Variants in OLR1 observed in about 807,000 individuals in gnomAD.
OLR1 encodes the protein oxidized low-density lipoprotein receptor 1.
A neutral mutation model predicts 31.7 loss-of-function variants in OLR1; 23 were observed. The ratio of observed to expected loss-of-function variants is 0.72; its 90% CI spans 0.52 to 1.03. The LOEUF (loss-of-function observed/expected upper bound fraction) is 1.03, where lower values mean the gene tolerates loss of function less well. Ranked by LOEUF, OLR1 falls within the 50% of genes least tolerant of loss-of-function variation. The pLI is 0.00. For synonymous variants in OLR1, 117 were observed against 115.8 expected (o/e 1.01, Z -0.07); for missense variants, 286 against 315.7 (o/e 0.91, Z 0.71).
chr12:10,167,738 G>T (rs1948674859), intron 2 of OLR1: 1 of 151,904 alleles, frequency 6.6e-6, no homozygotes, highest in Non-Finnish European at 1.5e-5. Context: ...CGCACACTGT[G>T]TCACAAGAGT....
chr12:10,168,143 AC>A (rs1375769861), intron 2 of OLR1, among the ~76,000 whole-genome samples: 1 of 152,170 alleles, frequency 6.6e-6, no homozygotes, highest in East Asian at 1.9e-4. Flanking sequence ...CAGTTCTACA[AC>A]CTAAATTCAC....
intron 3 of OLR1, among the ~76,000 whole-genome samples, chr12:10,162,992 GAGTA>G (rs1024482057): frequency 2.6e-4 from 39 of 151,478 alleles, no homozygotes; most frequent in Middle Eastern, 3.4e-3. Context: ...AAAATAAACA[GAGTA>G]AGTGATATTT....
Position 10,166,845 on chromosome 12 carries a change from C to T in OLR1, c.291G>A (p.Glu97=), listed in dbSNP as rs1022552271. 2.5e-6 allele frequency: 4 copies of T among 1,613,588 alleles called. No homozygotes were observed. Among genetic ancestry groups the T allele is most frequent in the South Asian group, 1.1e-5 (1 of 91,078 alleles). Residue 97 remains glutamate, a synonymous_variant, in exon 3 of 6, where the codon GAG becomes GAA. Transcript: ENST00000309539. The part of the protein sequence containing the change: ...ARQQAEEASQ[E]SENELKEMIE... ...TCATTTCCTTGAGTTCGTTTTCTGA[C>T]TCCTGTGAAGCTTCTTCTGCTTGTT...
intron 3 of OLR1, among the ~76,000 whole-genome samples, chr12:10,166,124 A>T (rs888142400): frequency 6.6e-6 from 1 of 151,992 alleles, no homozygotes; most frequent in Non-Finnish European, 1.5e-5. Context: ...AGGCAGGAGA[A>T]CTGCTTGAAC....
intron 1 of OLR1, among the ~76,000 whole-genome samples, chr12:10,170,087 C>T (rs998719684): frequency 5.9e-5 from 9 of 152,220 alleles, no homozygotes; most frequent in Non-Finnish European, 1.2e-4. Flanking sequence ...TAAGATCACA[C>T]AGATGCTAAA....
upstream of OLR1, among the ~76,000 whole-genome samples, chr12:10,173,960 C>A (rs925137773): frequency 6.6e-6 from 1 of 152,088 alleles, no homozygotes; most frequent in Non-Finnish European, 1.5e-5. Flanking sequence ...CAGCCATCAC[C>A]ACCATCCATC....
At position 10,159,841 on chromosome 12, in the gene OLR1, A is replaced by G. The variant is rs574510080; in HGVS notation, c.*39T>C. On this transcript the variant is annotated 3_prime_UTR_variant, in exon 6 of 6. Transcript: ENST00000309539. ...AGAATAGCTTAAATTCCAGAATAAAACTCAAAGACTTTTTTCTTTTCTTCC... is the reference window on the plus strand; with the variant it reads ...AGAATAGCTTAAATTCCAGAATAAAGCTCAAAGACTTTTTTCTTTTCTTCC... 479 of 1,560,850 alleles carry G rather than the reference A, an allele frequency of 3.1e-4. 6 individuals are homozygous for G. In the South Asian group the frequency reaches 5.2e-3, roughly 17 times the overall value.
rs954656889 is a variant in OLR1 at position 10,163,117 on chromosome 12, T to C, written c.425-2192A>G. 3.3e-5 allele frequency among the ~76,000 whole-genome samples: 5 copies of C among 152,336 alleles called. No individual in the cohort carries two copies. The East Asian group carries it at 5.8e-4, about 18-fold the overall frequency. On this transcript the variant is annotated intron_variant, in intron 3 of 5. Coordinates refer to ENST00000309539, the MANE Select transcript of OLR1 (RefSeq NM_002543.4). The stretch of plus-strand genomic sequence containing the variant: ...ATGTGCCAGAAACTGTTGGAAGTAC[T>C]GTACAGGTATTAACTCATTTAATCC...
chr12:10,175,062 C>T (rs894553851), upstream of OLR1, among the ~76,000 whole-genome samples: 2 of 152,136 alleles, frequency 1.3e-5, no homozygotes, highest in Admixed American at 6.5e-5. Flanking sequence ...GATAACTGGA[C>T]AGATTTGAAA....
upstream of OLR1, among the ~76,000 whole-genome samples, chr12:10,175,116 A>G (rs1449104116): frequency 6.6e-6 from 1 of 152,084 alleles, no homozygotes; most frequent in Non-Finnish European, 1.5e-5. Flanking sequence ...GGTGTTCATG[A>G]TCTTGTGTAA....
chr12:10,175,617 T>A (rs1203780148), upstream of OLR1: 1 of 152,288 alleles, frequency 6.6e-6, no homozygotes, highest in Non-Finnish European at 1.5e-5. Flanking sequence ...TTAACTCTAA[T>A]CTTTTTACTG....
intron 3 of OLR1, among the ~76,000 whole-genome samples, chr12:10,164,644 C>T (rs1392739778): frequency 6.6e-6 from 1 of 152,172 alleles, no homozygotes; most frequent in Non-Finnish European, 1.5e-5. Context: ...CTAATTTACG[C>T]ACCTCCAAGG....
chr12:10,165,026 G>T (rs1342421086), intron 3 of OLR1, among the ~76,000 whole-genome samples: 1 of 152,158 alleles, frequency 6.6e-6, no homozygotes, highest in Non-Finnish European at 1.5e-5. Flanking sequence ...ACTTTGGGAG[G>T]CCGAGGCGGG....
intron 1 of OLR1, 61 bp from the exon 2 acceptor site, chr12:10,169,236 T>C (rs1282323380): frequency 2.2e-5 from 26 of 1,191,760 alleles, no homozygotes; most frequent in Non-Finnish European, 2.8e-5. Context: ...AGCAAACCAT[T>C]CCTTGGAGCC....
At chr12:10,173,109 CATGATTGACTCATGTCACAAAG>C (rs1565423942), upstream of OLR1, among the ~76,000 whole-genome samples, 2 of 152,084 alleles carry the variant, frequency 1.3e-5, no homozygotes, top group Non-Finnish European at 2.9e-5. Flanking sequence ...CAGTAAAATC[CATGATTGACTCATGTCACAAAG>C]ACGCTTACAT....
At chr12:10,174,718 C>G (rs1948753360), upstream of OLR1, among the ~76,000 whole-genome samples, 1 of 152,228 alleles carries the variant, frequency 6.6e-6, no homozygotes, top group South Asian at 2.1e-4. Flanking sequence ...TCTTTCTCTG[C>G]ACAGACCTAA....
intron 3 of OLR1, 99 bp from the exon 4 acceptor site, chr12:10,161,024 C>T: frequency 1.6e-6 from 2 of 1,219,774 alleles, no homozygotes; most frequent in Non-Finnish European, 2.3e-6. Flanking sequence ...CACGTGCATA[C>T]TATTTATTTT....
upstream of OLR1, among the ~76,000 whole-genome samples, chr12:10,173,730 A>G (rs2137532957): frequency 6.7e-6 from 1 of 149,420 alleles, no homozygotes; most frequent in African/African-American, 2.5e-5. Context: ...GTGCCACTGT[A>G]CTCCAGCCTG....
chr12:10,161,007 G>C, intron 3 of OLR1, 82 bp from the exon 4 acceptor site: 2 of 1,318,428 alleles, frequency 1.5e-6, no homozygotes, highest in African/African-American at 1.5e-5. Context: ...GATCCCCTTA[G>C]TTCTCTCACG....
Sources: allele counts gnomAD v4.1 joint callset (sites outside exome capture counted in the v4.1 genomes callset), GRCh38; gene constraint gnomAD v4.1.1; transcripts MANE v1.5; gene names NCBI Gene and HGNC (gene_info 2026-07-23, HGNC 2026-07-21).